The following AIM2 variants were observed in gnomAD, a reference collection of about 807,000 sequenced individuals.
AIM2 encodes interferon-inducible protein AIM2.
Under a neutral mutation model 27.7 loss-of-function variants are expected in AIM2, and 30 were observed. That is an observed-to-expected ratio of 1.08 (90% CI 0.81 to 1.47). The LOEUF (loss-of-function observed/expected upper bound fraction) is 1.47, where lower values mean the gene tolerates loss of function less well. AIM2 is among the 40% of genes most tolerant of loss of function. AIM2 has a pLI of 0.00. For synonymous variants in AIM2, 141 were observed against 145.3 expected, an observed-to-expected ratio of 0.97 and a Z score of 0.21; for missense variants, 358 against 411.3, an observed-to-expected ratio of 0.87 and a Z score of 1.12.
At chr1:159,105,452 A>G (rs1400024455) in intron 1 of AIM2, among the ~76,000 whole-genome samples, 1 of 152,202 alleles carries the variant, frequency 6.6e-6, no homozygotes, top group Non-Finnish European at 1.5e-5. Flanking sequence ...CAGCTCTTTC[A>G]GTCTCACCAT....
the AIM2 span, among the ~76,000 whole-genome samples, chr1:159,056,735 A>C: frequency 1.3e-5 from 2 of 149,354 alleles, no homozygotes; most frequent in Non-Finnish European, 3.0e-5. Flanking sequence ...AAAAAAAAAA[A>C]AAAAAAAAAA....
intron 1 of AIM2, among the ~76,000 whole-genome samples, chr1:159,138,833 CT>C (rs1648059026): frequency 6.6e-6 from 1 of 152,196 alleles, no homozygotes; most frequent in Non-Finnish European, 1.5e-5. Context: ...AACACATATC[CT>C]GCCCGCATAC....
At chr1:159,103,424 T>C (rs543683044) in intron 1 of AIM2, among the ~76,000 whole-genome samples, 42 of 151,998 alleles carry the variant, frequency 2.8e-4, no homozygotes, top group African/African-American at 1.0e-3. Flanking sequence ...GGGTTCACAA[T>C]ATTCCTCAGC....
chr1:159,132,761 C>A (rs934279805), intron 1 of AIM2, among the ~76,000 whole-genome samples: 1 of 152,162 alleles, frequency 6.6e-6, no homozygotes, highest in African/African-American at 2.4e-5. Flanking sequence ...ATGTGAATTG[C>A]ATCTGTTTAT....
chr1:159,114,766 C>T (rs555621563), intron 1 of AIM2, among the ~76,000 whole-genome samples: 8 of 152,268 alleles, frequency 5.3e-5, no homozygotes, highest in Non-Finnish European at 8.8e-5. Flanking sequence ...CCTTTGAAAA[C>T]TGGCACAAGA....
Position 159,108,136 on chromosome 1 carries a change from T to C in AIM2, c.-16+32295A>G, listed in dbSNP as rs537028720. Among the ~76,000 whole-genome samples the C allele has an allele frequency of 1.1e-4, 16 of 152,152 alleles. No individual in the cohort carries two copies. The South Asian group carries it at 2.9e-3, about 28-fold the overall frequency. On this transcript the variant is annotated intron_variant, in intron 1 of 2. Coordinates refer to the AIM2 transcript ENST00000368129. ...TACAGACCCAATATCCCCAATGAAA[T>C]AGATCCTAAAATCCTTAACAAAATA...
intron 1 of AIM2, among the ~76,000 whole-genome samples, chr1:159,111,813 AACTATCTATCTATCTATCAT>A (rs1657580171): frequency 2.0e-5 from 3 of 147,778 alleles, no homozygotes; most frequent in African/African-American, 7.6e-5. Flanking sequence ...AAAAAAAAAA[AACTATCTATCTATCTATCAT>A]CTATCTATCT....
chr1:159,087,399 G>A (rs1373936128), intron 1 of AIM2, among the ~76,000 whole-genome samples: 1 of 151,940 alleles, frequency 6.6e-6, no homozygotes, highest in Non-Finnish European at 1.5e-5. Context: ...CCATACTTGT[G>A]CTGAACTGTG....
At chr1:159,066,778 A>G (rs1485393978) in intron 3 of AIM2, among the ~76,000 whole-genome samples, 1 of 152,232 alleles carries the variant, frequency 6.6e-6, no homozygotes, top group African/African-American at 2.4e-5. Context: ...GAGCTCAGTG[A>G]CCAGCACAGG....
At position 159,063,700 on chromosome 1, in the gene AIM2, C is replaced by T. The variant is rs181528332; in HGVS notation, c.817-26G>A. The stretch of plus-strand genomic sequence containing the variant: ...CTATAAAAGAAAATCAACACCCAGC[C>T]TCTGATAATCGGATTAATGAATGCC... On this transcript the variant is annotated intron_variant, in intron 4 of 5. Coordinates refer to ENST00000368130, the MANE Select transcript of AIM2 (RefSeq NM_004833.3). 167 of 1,602,068 alleles carry T rather than the reference C, an allele frequency of 1.0e-4. 2 individuals are homozygous for T. In the Admixed American group the frequency reaches 2.8e-3, roughly 27 times the overall value.
At chr1:159,125,153 T>A (rs1413370548) in intron 1 of AIM2, among the ~76,000 whole-genome samples, 1 of 152,030 alleles carries the variant, frequency 6.6e-6, no homozygotes, top group Non-Finnish European at 1.5e-5. Context: ...TAACAGCATA[T>A]CCCGGGAAAG....
intron 1 of AIM2, among the ~76,000 whole-genome samples, chr1:159,137,995 C>T (rs1648042865): frequency 6.6e-6 from 1 of 152,266 alleles, no homozygotes; most frequent in Non-Finnish European, 1.5e-5. Context: ...CATTTATGTA[C>T]TAAAATGTAT....
At chr1:159,121,232 C>A (rs767198289) in intron 1 of AIM2, among the ~76,000 whole-genome samples, 10 of 152,138 alleles carry the variant, frequency 6.6e-5, no homozygotes, top group Admixed American at 6.6e-4. Context: ...ATTGAGGGAG[C>A]CCTCAAAAAC....
At chr1:159,127,351 C>T (rs1647720000) in intron 1 of AIM2, among the ~76,000 whole-genome samples, 1 of 152,206 alleles carries the variant, frequency 6.6e-6, no homozygotes, top group South Asian at 2.1e-4. Context: ...TCTGCTCTCA[C>T]GCCACACTAT....
At chr1:159,111,062 A>C (rs1363369415) in intron 1 of AIM2, among the ~76,000 whole-genome samples, 3 of 152,176 alleles carry the variant, frequency 2.0e-5, no homozygotes, top group African/African-American at 4.8e-5. Context: ...TTTAGCATCT[A>C]CAATGAACAG....
chr1:159,075,607 T>TAGAG (rs1479225368), intron 1 of AIM2, among the ~76,000 whole-genome samples: 13 of 149,730 alleles, frequency 8.7e-5, no homozygotes, highest in African/African-American at 3.0e-4. Context: ...TATATATATA[T>TAGAG]ATATAGAGAG....
chr1:159,135,657 A>G (rs2102054200), intron 1 of AIM2, among the ~76,000 whole-genome samples: 1 of 152,352 alleles, frequency 6.6e-6, no homozygotes, highest in African/African-American at 2.4e-5. Context: ...TCAAAATAAT[A>G]TAACTTGTTC....
upstream of AIM2, chr1:159,081,671 A>G: frequency 7.3e-6 from 2 of 273,386 alleles, no homozygotes; most frequent in Non-Finnish European, 1.5e-5. Context: ...AATCCCTGGC[A>G]TAGGACTTGA....
upstream of AIM2, among the ~76,000 whole-genome samples, chr1:159,141,697 A>G (rs1004033472): frequency 2.6e-5 from 4 of 152,060 alleles, no homozygotes; most frequent in Admixed American, 6.5e-5. Context: ...CACCACACAC[A>G]CAGCATCAGC....
Sources: gnomAD v4.1 joint callset for allele counts (sites outside exome capture counted in the v4.1 genomes callset) on GRCh38, gnomAD v4.1.1 for gene constraint, MANE v1.5 for transcripts, NCBI Gene and HGNC (gene_info 2026-07-23, HGNC 2026-07-21) for gene names.